The following STYXL1 variants were observed in gnomAD, a reference collection of about 807,000 sequenced individuals.
STYXL1 encodes serine/threonine/tyrosine-interacting-like protein 1.
A neutral mutation model predicts 36.4 loss-of-function variants in STYXL1; 32 were observed. The observed-to-expected ratio is 0.88, with a 90% CI of 0.66 to 1.18. The LOEUF is 1.18. Ranked by LOEUF, STYXL1 falls within the 50% of genes most tolerant of loss-of-function variation. The probability of loss-of-function intolerance (pLI) is 0.00; values close to 1 mark genes in which losing one functional copy is unlikely to be tolerated. For synonymous variants in STYXL1, 133 were observed against 144.1 expected, an observed-to-expected ratio of 0.92 and a Z score of 0.55; for missense variants, 354 against 394.1, an observed-to-expected ratio of 0.90 and a Z score of 0.86.
intron 7 of STYXL1, among the ~76,000 whole-genome samples, chr7:76,002,588 C>G (rs1256001665): frequency 6.6e-6 from 1 of 152,154 alleles, no homozygotes; most frequent in Non-Finnish European, 1.5e-5. Flanking sequence ...GTCTCAGCCT[C>G]AGGCCCTGGT....
At chr7:76,029,927 C>T (rs1240054646) in intron 2 of STYXL1, among the ~76,000 whole-genome samples, 1 of 152,168 alleles carries the variant, frequency 6.6e-6, no homozygotes, top group East Asian at 1.9e-4. Context: ...CTGCTCACCT[C>T]CTGCTGTGCT....
Position 76,035,596 on chromosome 7 carries a change from C to G in STYXL1, c.-4-5069G>C, listed in dbSNP as rs181664544. ...GATTCCTCTTAAGGATCTCCTCACT[C>G]CCACCCCCCAAGTCAGGTTCCACAT... On this transcript the variant is annotated intron_variant, in intron 1 of 8. Coordinates refer to ENST00000359697, the MANE Select transcript of STYXL1 (RefSeq NM_001317785.2). Among the ~76,000 whole-genome samples, 3 of 149,904 alleles carry G rather than the reference C, an allele frequency of 2.0e-5. No homozygotes were observed. The Admixed American group carries it at 2.0e-4, about 10-fold the overall frequency.
At chr7:75,999,283 C>G (rs1247178261) in intron 8 of STYXL1, 2 of 153,664 alleles carry the variant, frequency 1.3e-5, no homozygotes, top group Non-Finnish European at 2.9e-5. Flanking sequence ...AAGGAAGGAA[C>G]TTATATAAGG....
intron 4 of STYXL1, among the ~76,000 whole-genome samples, chr7:76,016,798 T>C (rs1398755875): frequency 6.6e-6 from 1 of 152,140 alleles, no homozygotes; most frequent in African/African-American, 2.4e-5. Context: ...GAATGTAAAG[T>C]AGTTCAGCCC....
chr7:76,036,742 C>A, intron 1 of STYXL1, among the ~76,000 whole-genome samples: 1 of 147,038 alleles, frequency 6.8e-6, no homozygotes, highest in Non-Finnish European at 1.5e-5. Flanking sequence ...AAATTTAAGA[C>A]ATCCTCCTTT....
chr7:76,027,775 G>C (rs1208930529), intron 3 of STYXL1, among the ~76,000 whole-genome samples: 2 of 152,094 alleles, frequency 1.3e-5, no homozygotes, highest in Non-Finnish European at 2.9e-5. Flanking sequence ...TGTATCCCCA[G>C]GGTCTGGAAC....
At chr7:76,038,407 T>C (rs1244489053) in intron 1 of STYXL1, among the ~76,000 whole-genome samples, 1 of 138,562 alleles carries the variant, frequency 7.2e-6, no homozygotes, top group Non-Finnish European at 1.6e-5. Context: ...GCTTTATGTT[T>C]GGGAATTGAA....
chr7:76,003,652 A>C (rs1791266512), intron 7 of STYXL1, 106 bp downstream of exon 7: 15 of 1,038,574 alleles, frequency 1.4e-5, no homozygotes, highest in Non-Finnish European at 1.7e-5. Flanking sequence ...TTCTCTCTAG[A>C]GCATGGGGAA....
At chr7:76,013,329 A>C (rs1348602154) in intron 5 of STYXL1, among the ~76,000 whole-genome samples, 1 of 151,322 alleles carries the variant, frequency 6.6e-6, no homozygotes, top group Non-Finnish European at 1.5e-5. Context: ...CCGTCTCAAA[A>C]AAAAAAAAAA....
At chr7:76,047,256 C>CA (rs1563537458) in intron 1 of STYXL1, among the ~76,000 whole-genome samples, 2 of 151,968 alleles carry the variant, frequency 1.3e-5, no homozygotes, top group Non-Finnish European at 2.9e-5. Flanking sequence ...GACTCCGTCT[C>CA]AAAAAAATAA....
chr7:76,030,334 C>A (rs76303680), intron 2 of STYXL1, 87 bp downstream of exon 2: 86 of 985,522 alleles, frequency 8.7e-5, no homozygotes, highest in Middle Eastern at 4.2e-4. Flanking sequence ...CACTGCCCCC[C>A]ACCCCGCCAA....
chr7:76,020,394 A>C (rs1230675145), intron 4 of STYXL1, among the ~76,000 whole-genome samples: 2 of 152,316 alleles, frequency 1.3e-5, no homozygotes, highest in African/African-American at 4.8e-5. Context: ...TCCCAGTGCC[A>C]ATGGCAAAGG....
intron 1 of STYXL1, among the ~76,000 whole-genome samples, chr7:76,033,504 G>C (rs1216917876): frequency 1.3e-5 from 2 of 152,162 alleles, no homozygotes; most frequent in Non-Finnish European, 2.9e-5. Flanking sequence ...GGAGGCCAGT[G>C]GGGGATGGCG....
intron 5 of STYXL1, among the ~76,000 whole-genome samples, chr7:76,009,101 G>C (rs1554571394): frequency 1.3e-5 from 2 of 152,076 alleles, no homozygotes; most frequent in African/African-American, 4.8e-5. Flanking sequence ...TTCCTTTTCT[G>C]CGGTTGTGTG....
intron 1 of STYXL1, among the ~76,000 whole-genome samples, chr7:76,030,836 G>A (rs1585306046): frequency 4.2e-5 from 4 of 94,262 alleles, no homozygotes; most frequent in Admixed American, 1.5e-4. Flanking sequence ...ACAATGGCAA[G>A]ACCCCATCTC....
chr7:76,026,397 G>A (rs976750314), intron 3 of STYXL1, among the ~76,000 whole-genome samples: 2 of 151,470 alleles, frequency 1.3e-5, no homozygotes, highest in Non-Finnish European at 2.9e-5. Context: ...CTCCCATCTC[G>A]GCCTCCCAAG....
intron 1 of STYXL1, chr7:76,044,043 C>T (rs557712439): frequency 1.3e-5 from 2 of 152,348 alleles, no homozygotes; most frequent in East Asian, 3.9e-4. Flanking sequence ...ACTTGCAAAA[C>T]ACCAAGTAAA....
At chr7:76,036,172 C>T (rs1795888488) in intron 1 of STYXL1, among the ~76,000 whole-genome samples, 1 of 150,060 alleles carries the variant, frequency 6.7e-6, no homozygotes, top group Middle Eastern at 3.3e-3. Flanking sequence ...ATGATCTCGG[C>T]TCACTGTAAC....
chr7:76,017,866 C>A (rs200060577), intron 4 of STYXL1, among the ~76,000 whole-genome samples: 5 of 10,360 alleles, frequency 4.8e-4, no homozygotes, highest in African/African-American at 1.1e-3. Flanking sequence ...AACTCCATCT[C>A]AAAAAAAAAA....
Sources: allele counts gnomAD v4.1 joint callset (sites outside exome capture counted in the v4.1 genomes callset), GRCh38; gene constraint gnomAD v4.1.1; transcripts MANE v1.5; gene names NCBI Gene and HGNC (gene_info 2026-07-23, HGNC 2026-07-21).